Variants in HLCS observed in about 807,000 individuals in gnomAD.
HLCS encodes holocarboxylase synthetase, also known as biotin--protein ligase.
Under a neutral mutation model 75.0 loss-of-function variants are expected in HLCS, and 53 were observed. That is an observed-to-expected ratio of 0.71 (90% CI 0.57 to 0.89). The LOEUF is 0.89. Among genes scored for constraint, HLCS ranks in the 40% least tolerant of loss-of-function variants. The pLI is 0.00. For synonymous variants in HLCS, 431 were observed against 428.6 expected (o/e 1.01, Z -0.07); for missense variants, 966 against 1,074.0 (o/e 0.90, Z 1.41).
Position 36,989,594 on chromosome 21 carries a change from G to A in HLCS, c.-393+564C>T, listed in dbSNP as rs577303483. ...TCTGCCTGCCTCGGCCTCGCGAAGTGCTGAGATTACAAGCGTGAACCACCG... is the reference window on the plus strand; with the variant it reads ...TCTGCCTGCCTCGGCCTCGCGAAGTACTGAGATTACAAGCGTGAACCACCG... On this transcript the variant is annotated intron_variant, in intron 1 of 11. Coordinates refer to the HLCS transcript ENST00000336648. 3.9e-5 allele frequency among the ~76,000 whole-genome samples: 6 copies of A among 152,292 alleles called. No homozygotes were observed. The South Asian group carries it at 1.0e-3, about 26-fold the overall frequency.
chr21:36,818,620 G>T (rs557456083), intron 6 of HLCS, among the ~76,000 whole-genome samples: 1 of 152,182 alleles, frequency 6.6e-6, no homozygotes, highest in Non-Finnish European at 1.5e-5. Flanking sequence ...TACGCTGGGG[G>T]AGGATGTGTT....
chr21:36,945,814 C>G (rs1318007266), intron 2 of HLCS, among the ~76,000 whole-genome samples: 2 of 152,154 alleles, frequency 1.3e-5, no homozygotes, highest in Non-Finnish European at 2.9e-5. Flanking sequence ...TGAATTATAT[C>G]TCAATTTTTT....
intron 6 of HLCS, among the ~76,000 whole-genome samples, chr21:36,857,628 C>G (rs573773634): frequency 6.6e-6 from 1 of 151,970 alleles, no homozygotes; most frequent in East Asian, 1.9e-4. Flanking sequence ...CTCGCTGGGG[C>G]TCCTGCTCAG....
At chr21:36,839,227 T>A (rs1242660270) in intron 6 of HLCS, among the ~76,000 whole-genome samples, 1 of 152,220 alleles carries the variant, frequency 6.6e-6, no homozygotes, top group Admixed American at 6.5e-5. Context: ...AGCATTAGCA[T>A]GTCCACTTCA....
intron 6 of HLCS, among the ~76,000 whole-genome samples, chr21:36,831,327 T>A (rs1018118755): frequency 2.0e-5 from 3 of 152,100 alleles, no homozygotes; most frequent in Non-Finnish European, 4.4e-5. Context: ...TGGGAAGACA[T>A]AGAAATCTTT....
intron 6 of HLCS, among the ~76,000 whole-genome samples, chr21:36,820,890 T>C (rs1485296903): frequency 6.6e-6 from 1 of 152,166 alleles, no homozygotes; most frequent in African/African-American, 2.4e-5. Context: ...GTCAGCTCCG[T>C]GGGTGGTGAC....
chr21:36,905,319 C>G (rs1211948503), intron 5 of HLCS, among the ~76,000 whole-genome samples: 1 of 152,028 alleles, frequency 6.6e-6, no homozygotes, highest in African/African-American at 2.4e-5. Flanking sequence ...AGAGGTAAAA[C>G]TCAAAAAAGA....
chr21:36,875,082 G>A (rs147178968), intron 6 of HLCS, among the ~76,000 whole-genome samples: 4 of 152,290 alleles, frequency 2.6e-5, no homozygotes, highest in Non-Finnish European at 5.9e-5. Context: ...ACCAATGAAC[G>A]CAGGAGGGAG....
chr21:36,941,041 G>A (rs759105741), intron 2 of HLCS, among the ~76,000 whole-genome samples: 9 of 152,118 alleles, frequency 5.9e-5, no homozygotes, highest in Non-Finnish European at 5.9e-5. Context: ...GTAAAACCCC[G>A]TCTCTACTAA....
At chr21:36,875,365 A>G (rs902715793) in intron 6 of HLCS, among the ~76,000 whole-genome samples, 2 of 152,194 alleles carry the variant, frequency 1.3e-5, no homozygotes, top group Non-Finnish European at 2.9e-5. Context: ...GGGACACCCA[A>G]GGACCAGTCA....
intron 6 of HLCS, among the ~76,000 whole-genome samples, chr21:36,805,696 T>C (rs2061341964): frequency 6.6e-6 from 1 of 152,154 alleles, no homozygotes; most frequent in Non-Finnish European, 1.5e-5. Context: ...CGTGACCTCT[T>C]GGTAAAATCC....
In HLCS at chr21:36,966,425, G is replaced by GGGGGCC; in HGVS notation, c.195+18_195+19insGGCCCC. On this transcript the variant is annotated intron_variant, in intron 1 of 10. Transcript: ENST00000674895. ...CCGGCTCGCGGGGCCCGGGTCGCCC[G>GGGGGCC]CCCGCCCGACCCGCCCACCTGGCTG... is the stretch of plus-strand genomic sequence containing the variant. The GGGGGCC allele has an allele frequency of 2.8e-4, 55 of 195,394 alleles. No homozygotes were observed. The highest frequency in any genetic ancestry group is 4.2e-4 in the Non-Finnish European group (49 of 116,650). The allele number at this position is 195,394 out of a possible 1,614,324, so 12.1% of individuals were successfully genotyped here.
intron 6 of HLCS, among the ~76,000 whole-genome samples, chr21:36,802,200 C>T (rs1042609360): frequency 3.9e-5 from 6 of 152,166 alleles, no homozygotes; most frequent in Admixed American, 6.5e-5. Flanking sequence ...AGGCCTCTTG[C>T]AACTTGGGAT....
intron 5 of HLCS, among the ~76,000 whole-genome samples, chr21:36,910,520 T>C (rs1338172311): frequency 6.8e-6 from 1 of 147,826 alleles, no homozygotes; most frequent in African/African-American, 2.5e-5. Context: ...CACTCCAGCA[T>C]GGGGGACAGG....
At chr21:36,896,539 A>AC (rs1344122712) in intron 6 of HLCS, 5 of 396,542 alleles carry the variant, frequency 1.3e-5, no homozygotes, top group Non-Finnish European at 2.4e-5. Flanking sequence ...AAGAATGATA[A>AC]CCTGAGCAAT....
intron 6 of HLCS, among the ~76,000 whole-genome samples, chr21:36,783,750 A>G (rs887375300): frequency 2.6e-5 from 4 of 152,142 alleles, no homozygotes; most frequent in African/African-American, 9.7e-5. Flanking sequence ...TTTTAGCACC[A>G]TGAAGCATAG....
At chr21:36,907,137 C>T (rs551997826) in intron 5 of HLCS, among the ~76,000 whole-genome samples, 1 of 152,104 alleles carries the variant, frequency 6.6e-6, no homozygotes, top group East Asian at 1.9e-4. Context: ...GAATATGAAA[C>T]CTTGATCTCT....
intron 6 of HLCS, among the ~76,000 whole-genome samples, chr21:36,779,311 CCCT>C (rs963639876): frequency 3.3e-5 from 5 of 151,750 alleles, no homozygotes; most frequent in African/African-American, 1.2e-4. Context: ...TTCCTTCCTT[CCCT>C]CCTTCCTTCT....
chr21:36,856,413 C>T (rs559178387), intron 6 of HLCS, among the ~76,000 whole-genome samples: 2 of 152,056 alleles, frequency 1.3e-5, no homozygotes, highest in Non-Finnish European at 2.9e-5. Flanking sequence ...ATTTAGACTG[C>T]GGAAGGCTTT....
Sources: gnomAD v4.1 joint callset for allele counts (sites outside exome capture counted in the v4.1 genomes callset) on GRCh38, gnomAD v4.1.1 for gene constraint, MANE v1.5 for transcripts, NCBI Gene and HGNC (gene_info 2026-07-23, HGNC 2026-07-21) for gene names.